Variants in GFRA2 observed in about 807,000 individuals in gnomAD.
GFRA2 encodes GDNF family receptor alpha 2.
In GFRA2, 17 loss-of-function variants were observed where a neutral mutation model predicts 48.3. That is an observed-to-expected ratio of 0.35 (90% CI 0.24 to 0.53). GFRA2 has a LOEUF of 0.53. Ranked by LOEUF, GFRA2 falls within the 20% of genes least tolerant of loss-of-function variation. GFRA2 has a pLI of 0.93. For missense variants in GFRA2, 660 were observed against 637.3 expected, an observed-to-expected ratio of 1.04 and a Z score of -0.38; for synonymous variants, 305 against 257.2, an observed-to-expected ratio of 1.19 and a Z score of -1.78.
intron 1 of GFRA2, among the ~76,000 whole-genome samples, chr8:21,809,617 G>A (rs935934146): frequency 6.6e-6 from 1 of 152,130 alleles, no homozygotes; most frequent in Admixed American, 6.6e-5. Context: ...GTGAGCCACC[G>A]CGCCCGGCCA....
intron 4 of GFRA2, among the ~76,000 whole-genome samples, chr8:21,709,134 T>A (rs1802890933): frequency 6.6e-6 from 1 of 152,040 alleles, no homozygotes. Context: ...TCCCATCCTC[T>A]CCCCACCAAA....
At chr8:21,810,161 C>T (rs1387069201) in intron 1 of GFRA2, among the ~76,000 whole-genome samples, 3 of 152,194 alleles carry the variant, frequency 2.0e-5, no homozygotes, top group African/African-American at 7.2e-5. Context: ...CCAGCCCCTC[C>T]CACACCTGAG....
chr8:21,794,083 G>C (rs1807625683), intron 2 of GFRA2, among the ~76,000 whole-genome samples: 3 of 151,454 alleles, frequency 2.0e-5, no homozygotes, highest in Non-Finnish European at 2.9e-5. Context: ...TGAACTCCTA[G>C]CCTCAAGTGA....
intron 1 of GFRA2, among the ~76,000 whole-genome samples, chr8:21,807,842 A>C (rs1807901277): frequency 6.6e-6 from 1 of 152,262 alleles, no homozygotes; most frequent in African/African-American, 2.4e-5. Context: ...TCCGTCTGTA[A>C]CATGGACATC....
chr8:21,753,348 C>T (rs867599688), intron 3 of GFRA2, among the ~76,000 whole-genome samples: 19 of 152,194 alleles, frequency 1.2e-4, no homozygotes, highest in African/African-American at 4.6e-4. Flanking sequence ...TGGTTCACGC[C>T]TGTAATCCCA....
intron 4 of GFRA2, among the ~76,000 whole-genome samples, chr8:21,726,985 C>T (rs992659977): frequency 2.0e-5 from 3 of 152,114 alleles, no homozygotes; most frequent in African/African-American, 7.2e-5. Flanking sequence ...CTCCTGACCT[C>T]GTGATCCACC....
chr8:21,700,070 G>A (rs917267837), intron 7 of GFRA2, among the ~76,000 whole-genome samples: 2 of 152,146 alleles, frequency 1.3e-5, no homozygotes, highest in Non-Finnish European at 2.9e-5. Flanking sequence ...AGGGTAGGAC[G>A]CACCAGGTGG....
chr8:21,761,708 G>T (rs1158579434), intron 3 of GFRA2, among the ~76,000 whole-genome samples: 2 of 152,142 alleles, frequency 1.3e-5, no homozygotes, highest in Non-Finnish European at 2.9e-5. Flanking sequence ...CCAGCACTTT[G>T]GGAGGCCAAG....
At chr8:21,726,640 C>A (rs1803884533) in intron 4 of GFRA2, among the ~76,000 whole-genome samples, 1 of 152,168 alleles carries the variant, frequency 6.6e-6, no homozygotes, top group Non-Finnish European at 1.5e-5. Context: ...TCACCATCTT[C>A]TTCCTTGTGT....
Position 21,782,697 on chromosome 8 carries a change from G to A in GFRA2, c.243C>T (p.Ala81=). 6.3e-7 allele frequency: 1 copy of A among 1,593,316 alleles called. No individual in the cohort carries two copies. The highest frequency in any genetic ancestry group is 8.5e-7 in the Non-Finnish European group (1 of 1,170,410). Residue 81 remains alanine, a synonymous_variant, in exon 2 of 9, where the codon GCC becomes GCT. Transcript: ENST00000524240. ...TMLANKECQA[A]LEVLQESPLY... ...GCGGGCTCTCCTGCAAGACCTCCAA[G>A]GCCGCCTGGCACTCCTTGTTGGCCA...
chr8:21,770,618 G>T (rs1405201100), intron 3 of GFRA2, among the ~76,000 whole-genome samples: 1 of 152,138 alleles, frequency 6.6e-6, no homozygotes, highest in Non-Finnish European at 1.5e-5. Flanking sequence ...AGCCACACTT[G>T]CACGGCATGG....
chr8:21,694,432 C>G, intron 8 of GFRA2, 32 bp downstream of exon 8: 1 of 1,603,666 alleles, frequency 6.2e-7, no homozygotes, highest in Non-Finnish European at 8.5e-7. Context: ...GCCCAGCCTT[C>G]TGCACCCATC....
At chr8:21,759,211 C>A (rs182714587) in intron 3 of GFRA2, among the ~76,000 whole-genome samples, 113 of 151,994 alleles carry the variant, frequency 7.4e-4, no homozygotes, top group Admixed American at 2.2e-3. Context: ...CATGGCAAAA[C>A]CCCGTCTCTA....
At chr8:21,760,265 T>C (rs1210004650) in intron 3 of GFRA2, among the ~76,000 whole-genome samples, 1 of 152,178 alleles carries the variant, frequency 6.6e-6, no homozygotes, top group Admixed American at 6.5e-5. Context: ...CCTCATTCAC[T>C]GACACATGGA....
chr8:21,762,550 A>G (rs1415811279), intron 3 of GFRA2, among the ~76,000 whole-genome samples: 1 of 152,216 alleles, frequency 6.6e-6, no homozygotes. Flanking sequence ...GAAGCAGGCT[A>G]ACCCGCCAAA....
At chr8:21,709,710 C>G (rs1016423654) in intron 4 of GFRA2, among the ~76,000 whole-genome samples, 1 of 152,158 alleles carries the variant, frequency 6.6e-6, no homozygotes. Flanking sequence ...GTACTGGGAG[C>G]CTCCCAGGCA....
At chr8:21,782,550 C>G in intron 2 of GFRA2, 35 bp downstream of exon 2, 1 of 1,494,714 alleles carries the variant, frequency 6.7e-7, no homozygotes. Flanking sequence ...CTGCGCCACA[C>G]CCCCTCCCCT....
At chr8:21,733,583 C>G (rs1280873434) in intron 4 of GFRA2, among the ~76,000 whole-genome samples, 1 of 152,166 alleles carries the variant, frequency 6.6e-6, no homozygotes, top group East Asian at 1.9e-4. Flanking sequence ...GGCAGGTTAT[C>G]CCAGGCCGAA....
chr8:21,753,289 C>T (rs1004391412), intron 3 of GFRA2, among the ~76,000 whole-genome samples: 1 of 152,166 alleles, frequency 6.6e-6, no homozygotes, highest in South Asian at 2.1e-4. Context: ...GAAACACACA[C>T]CAGATTTTGA....
Sources: gnomAD v4.1 joint callset for allele counts (sites outside exome capture counted in the v4.1 genomes callset) on GRCh38, gnomAD v4.1.1 for gene constraint, MANE v1.5 for transcripts, NCBI Gene and HGNC (gene_info 2026-07-23, HGNC 2026-07-21) for gene names.